Variants in TAFA5 observed in about 807,000 individuals in gnomAD.
The protein encoded by TAFA5 is chemokine-like protein TAFA-5.
Under a neutral mutation model 15.3 loss-of-function variants are expected in TAFA5, and 6 were observed. The ratio of observed to expected loss-of-function variants is 0.39; its 90% confidence interval spans 0.21 to 0.77. TAFA5 has a LOEUF of 0.77. TAFA5 is among the 30% of genes least tolerant of loss of function. The probability of loss-of-function intolerance (pLI) is 0.41; values close to 1 mark genes in which losing one functional copy is unlikely to be tolerated. For synonymous variants in TAFA5, 103 were observed against 80.7 expected (o/e 1.28, Z -1.48); for missense variants, 161 against 193.1 (o/e 0.83, Z 0.98).
rs1236778410 is a variant in TAFA5, at chr22:48,552,955, G to C, written c.112+63251G>C. Among the ~76,000 whole-genome samples, 2 of 152,080 alleles carry C rather than the reference G, an allele frequency of 1.3e-5. No individual in the cohort carries two copies. The highest frequency in any genetic ancestry group is 4.8e-5 in the African/African-American group (2 of 41,428). The stretch of plus-strand genomic sequence containing the variant: ...AGACTCAGACCTGGGGCTGATCTGA[G>C]GGGGGCTCGTCCCCAACCACCTGGT... On this transcript the variant is annotated intron_variant, in intron 1 of 3. Coordinates refer to ENST00000402357, the MANE Select transcript of TAFA5 (RefSeq NM_001082967.3). The surrounding 1 kb of genome is among the most constrained non-coding windows in gnomAD (Gnocchi z 4.1).
chr22:48,585,041 C>G (rs776725698), intron 1 of TAFA5, among the ~76,000 whole-genome samples: 1 of 9,868 alleles, frequency 1.0e-4, no homozygotes, highest in South Asian at 4.0e-3. Flanking sequence ...AGATACCACA[C>G]GCACACCACT....
intron 2 of TAFA5, among the ~76,000 whole-genome samples, chr22:48,688,163 C>T (rs190242962): frequency 4.6e-5 from 7 of 151,826 alleles, no homozygotes; most frequent in African/African-American, 1.5e-4. Flanking sequence ...TTTGCACTGG[C>T]GCACCCTTCA....
In TAFA5 at chr22:48,592,045, G is replaced by A. The variant is rs188535086; in HGVS notation, c.113-54552G>A. 4.6e-5 allele frequency among the ~76,000 whole-genome samples: 7 copies of A among 152,288 alleles called. No homozygotes were observed. In the East Asian group the frequency reaches 9.7e-4, roughly 21 times the overall value. On this transcript the variant is annotated intron_variant, in intron 1 of 3. Coordinates refer to ENST00000402357, the MANE Select transcript of TAFA5 (RefSeq NM_001082967.3). ...CTCCTTAGCAGGTCTCTGCCTGGAC[G>A]GCAGGAGGCGGGGGGTCCCTTGCAG...
intron 2 of TAFA5, among the ~76,000 whole-genome samples, chr22:48,689,602 C>T (rs1168353235): frequency 2.6e-5 from 4 of 152,082 alleles, no homozygotes; most frequent in African/African-American, 4.8e-5. Flanking sequence ...GAGTCTGAGC[C>T]GATGTTATTC....
intron 1 of TAFA5, among the ~76,000 whole-genome samples, chr22:48,595,630 G>A (rs1182314383): frequency 6.6e-6 from 1 of 152,260 alleles, no homozygotes; most frequent in Non-Finnish European, 1.5e-5. Context: ...CAGACGTGCT[G>A]CCACACGCAG....
chr22:48,567,434 G>A (rs542628731), intron 1 of TAFA5, among the ~76,000 whole-genome samples: 2 of 152,364 alleles, frequency 1.3e-5, no homozygotes, highest in East Asian at 3.9e-4. Flanking sequence ...TAAGCCCAGC[G>A]AAAGTGTGAG....
intron 3 of TAFA5, among the ~76,000 whole-genome samples, chr22:48,714,660 C>T (rs2147256316): frequency 6.6e-6 from 1 of 152,344 alleles, no homozygotes; most frequent in African/African-American, 2.4e-5. Context: ...AGTCCCCACT[C>T]AGCTCCCTGA....
chr22:48,625,126 A>AAAG (rs1555893708), intron 1 of TAFA5, among the ~76,000 whole-genome samples: 2 of 151,030 alleles, frequency 1.3e-5, no homozygotes, highest in Non-Finnish European at 3.0e-5. Flanking sequence ...AAAAAAAAAA[A>AAAG]AGAGAGAGAG....
intron 1 of TAFA5, among the ~76,000 whole-genome samples, chr22:48,531,195 A>T (rs1921959609): frequency 6.6e-6 from 1 of 152,204 alleles, no homozygotes; most frequent in Non-Finnish European, 1.5e-5. Flanking sequence ...GCCCCTGGCC[A>T]ACCCTTTCGG....
chr22:48,646,754 C>T lies in TAFA5; in HGVS notation c.262+8C>T, dbSNP rs1926880189. 6.4e-7 allele frequency: 1 copy of T among 1,565,312 alleles called. No homozygotes were observed. The highest frequency in any genetic ancestry group is 8.6e-7 in the Non-Finnish European group (1 of 1,160,024). On this transcript the variant is annotated splice_region_variant and intron_variant, in intron 2 of 3. Transcript: ENST00000402357. ...GGCCCGCCTGTGTGGACGGTAAGCA[C>T]CCGTGGCCCCAGGACCCCTCCGGGT...
intron 1 of TAFA5, among the ~76,000 whole-genome samples, chr22:48,512,939 AAAAAAG>A (rs1265278788): frequency 8.6e-5 from 9 of 104,118 alleles, no homozygotes; most frequent in South Asian, 2.7e-4. Flanking sequence ...AAAAAAAAAA[AAAAAAG>A]AGAGAGAGAG....
rs75737330 is a variant in TAFA5, at chr22:48,507,006, C to G, written c.112+17302C>G. 4.1e-3 allele frequency among the ~76,000 whole-genome samples: 629 copies of G among 152,278 alleles called. 12 individuals carry two copies. In the East Asian group the frequency reaches 0.053, roughly 13 times the overall value. On this transcript the variant is annotated intron_variant, in intron 1 of 3. Transcript: ENST00000402357. The stretch of plus-strand genomic sequence containing the variant: ...GCACCGAGTGGCATGGGGAGAACCC[C>G]GTGGCTGAGCCTTGCCGAGCAAGGG...
intron 2 of TAFA5, among the ~76,000 whole-genome samples, chr22:48,647,433 A>G (rs1926907069): frequency 6.6e-6 from 1 of 151,328 alleles, no homozygotes. Context: ...CTGGTAGGGA[A>G]CTCTGCTGTG....
chr22:48,532,450 GC>G (rs1184168146), intron 1 of TAFA5, among the ~76,000 whole-genome samples: 1 of 152,220 alleles, frequency 6.6e-6, no homozygotes, highest in Non-Finnish European at 1.5e-5. Flanking sequence ...CATGTACCCA[GC>G]AAGGATTTAT....
chr22:48,527,020 C>G (rs1921803580), intron 1 of TAFA5, among the ~76,000 whole-genome samples: 1 of 152,192 alleles, frequency 6.6e-6, no homozygotes, highest in Non-Finnish European at 1.5e-5. Flanking sequence ...CCCACTATAA[C>G]TTTAATTTTT....
chr22:48,656,792 T>A (rs1373777009), intron 2 of TAFA5, among the ~76,000 whole-genome samples: 1 of 119,000 alleles, frequency 8.4e-6, no homozygotes, highest in South Asian at 3.5e-4. Flanking sequence ...GAAGATGGAG[T>A]CTCACTCTGT....
At chr22:48,716,894 A>G (rs1377954095) in intron 3 of TAFA5, among the ~76,000 whole-genome samples, 2 of 152,214 alleles carry the variant, frequency 1.3e-5, no homozygotes, top group African/African-American at 4.8e-5. Flanking sequence ...AGAGAGTGGA[A>G]TTTTCTAAAA....
chr22:48,557,220 G>A (rs142921526), intron 1 of TAFA5, among the ~76,000 whole-genome samples: 71 of 152,294 alleles, frequency 4.7e-4, no homozygotes, highest in African/African-American at 1.6e-3. Context: ...CTTTAAAGAG[G>A]TGATTAAGGT....
At chr22:48,518,244 C>G (rs954662546) in intron 1 of TAFA5, among the ~76,000 whole-genome samples, 1 of 152,212 alleles carries the variant, frequency 6.6e-6, no homozygotes, top group Non-Finnish European at 1.5e-5. Flanking sequence ...GGGTTTCAGA[C>G]CTGATTCTCC....
Sources: allele counts gnomAD v4.1 joint callset (sites outside exome capture counted in the v4.1 genomes callset), GRCh38; gene constraint gnomAD v4.1.1; non-coding constraint Gnocchi (gnomAD v3.1); transcripts MANE v1.5; gene names NCBI Gene and HGNC (gene_info 2026-07-23, HGNC 2026-07-21).